SENP7: variants seen among roughly 807,000 people sequenced by gnomAD.
SENP7 encodes SUMO specific peptidase 7.
A neutral mutation model predicts 141.2 loss-of-function variants in SENP7; 64 were observed. The observed-to-expected ratio is 0.45, with a 90% CI of 0.37 to 0.56. The LOEUF is 0.56. SENP7 is among the 20% of genes least tolerant of loss of function. The pLI, the probability that SENP7 is intolerant of heterozygous loss-of-function variation, is 0.00. For missense variants in SENP7, 1,025 were observed against 1,212.2 expected (o/e 0.85, Z 2.29); for synonymous variants, 382 against 426.4 (o/e 0.90, Z 1.28).
At chr3:101,384,377 G>T (rs2060592452) in intron 6 of SENP7, among the ~76,000 whole-genome samples, 1 of 152,236 alleles carries the variant, frequency 6.6e-6, no homozygotes, top group Non-Finnish European at 1.5e-5. Context: ...CAGAAGGAAA[G>T]AAGAGCTGTG....
chr3:101,370,852 A>G (rs1199532634), intron 7 of SENP7, among the ~76,000 whole-genome samples: 1 of 152,206 alleles, frequency 6.6e-6, no homozygotes, highest in Non-Finnish European at 1.5e-5. Context: ...TTATTACTGT[A>G]GTTTCATTTT....
intron 4 of SENP7, among the ~76,000 whole-genome samples, chr3:101,453,082 A>C (rs2063208272): frequency 6.6e-6 from 1 of 152,222 alleles, no homozygotes; most frequent in Non-Finnish European, 1.5e-5. Flanking sequence ...TCTCAAAAGA[A>C]GACATTTATG....
intron 2 of SENP7, among the ~76,000 whole-genome samples, chr3:101,500,461 G>A (rs750568007): frequency 6.6e-6 from 1 of 151,960 alleles, no homozygotes; most frequent in Non-Finnish European, 1.5e-5. Flanking sequence ...GGAGGCTGAG[G>A]CAGGAGGATC....
chr3:101,414,783 G>A (rs537257065), intron 5 of SENP7: 1 of 556,356 alleles, frequency 1.8e-6, no homozygotes, highest in African/African-American at 1.9e-5. Context: ...TCTAGACACT[G>A]GTTCTTTCAT....
intron 4 of SENP7, among the ~76,000 whole-genome samples, chr3:101,441,189 C>T (rs761630586): frequency 1.3e-5 from 2 of 152,172 alleles, no homozygotes; most frequent in African/African-American, 2.4e-5. Flanking sequence ...TGAGGACAAG[C>T]CCATGCCCAT....
intron 12 of SENP7, among the ~76,000 whole-genome samples, chr3:101,350,546 A>G (rs2059586729): frequency 6.6e-6 from 1 of 152,096 alleles, no homozygotes; most frequent in African/African-American, 2.4e-5. Flanking sequence ...ATTTTTCCAC[A>G]ATCTGTAATA....
chr3:101,385,665 C>T (rs186957450), intron 6 of SENP7, among the ~76,000 whole-genome samples: 5 of 152,118 alleles, frequency 3.3e-5, no homozygotes, highest in African/African-American at 1.2e-4. Context: ...TGCTCTCAGT[C>T]GATAGCAAAG....
At chr3:101,427,580 T>C (rs1186308217) in intron 4 of SENP7, among the ~76,000 whole-genome samples, 1 of 151,964 alleles carries the variant, frequency 6.6e-6, no homozygotes, top group Non-Finnish European at 1.5e-5. Flanking sequence ...AAAATTAAAT[T>C]TCTGTGGGAC....
intron 11 of SENP7, among the ~76,000 whole-genome samples, chr3:101,355,608 C>T (rs2059720184): frequency 6.6e-6 from 1 of 152,166 alleles, no homozygotes; most frequent in Non-Finnish European, 1.5e-5. Flanking sequence ...GTTTTGGTTA[C>T]TATAGCTCTA....
intron 10 of SENP7, 43 bp downstream of exon 10, chr3:101,364,791 G>C (rs2059992448): frequency 2.3e-6 from 3 of 1,319,982 alleles, no homozygotes; most frequent in Non-Finnish European, 3.2e-6. Flanking sequence ...AACCAATAGT[G>C]TACATTTCAT....
At position 101,513,096 on chromosome 3, in the gene SENP7, GA is replaced by G. The variant is rs1203473604; in HGVS notation, c.34del (p.Ser12HisfsTer20). On this transcript the variant is annotated frameshift_variant, in exon 1 of 24. Transcript: ENST00000394095. LOFTEE classifies it high-confidence loss of function. ...DKRKLGRRPSSSEIITEGKRK... is the reference protein window; with the variant it reads ...DKRKLGRRPSXSEIITEGKRK... The stretch of plus-strand genomic sequence containing the variant: ...CTTCTCTGACCCTTTCTCACCGGAT[GA>G]AGATGGCCGTCGCCCGAGCTTTCTC... The G allele has an allele frequency of 1.2e-6, 2 of 1,613,718 alleles. No homozygotes were observed. The highest frequency in any genetic ancestry group is 1.7e-5 in the Admixed American group (1 of 59,988).
At chr3:101,502,690 G>A (rs1036760000) in intron 1 of SENP7, among the ~76,000 whole-genome samples, 1 of 152,174 alleles carries the variant, frequency 6.6e-6, no homozygotes, top group Non-Finnish European at 1.5e-5. Flanking sequence ...CAGGGCATGG[G>A]GATCACTTGA....
Position 101,332,796 on chromosome 3 carries a change from A to G in SENP7, c.2547T>C (p.Asp849=), listed in dbSNP as rs200749708. ...ACTCATTTACAGGTACAAAGATGTAATCTTTATTAAAAATGTTTATGTGAC... is the reference window on the plus strand; with the variant it reads ...ACTCATTTACAGGTACAAAGATGTAGTCTTTATTAAAAATGTTTATGTGAC... ...WTRHINIFNK[D]YIFVPVNESS... Residue 849 remains aspartate (D), a synonymous_variant, in exon 18 of 24, where the codon GAT becomes GAC. Coordinates refer to ENST00000394095, the MANE Select transcript of SENP7 (RefSeq NM_020654.5). 1,440 of 1,559,172 alleles carry G rather than the reference A, an allele frequency of 9.2e-4. 4 individuals are homozygous for G. Among genetic ancestry groups the G allele is most frequent in the Middle Eastern group, 4.1e-3 (23 of 5,662 alleles).
intron 5 of SENP7, 105 bp downstream of exon 5, chr3:101,417,488 G>A: frequency 2.2e-6 from 2 of 924,904 alleles, no homozygotes; most frequent in Non-Finnish European, 3.4e-6. Flanking sequence ...GCCTATATAT[G>A]CAAATCTCCT....
At chr3:101,492,123 T>A (rs541605098) in intron 3 of SENP7, among the ~76,000 whole-genome samples, 1 of 150,122 alleles carries the variant, frequency 6.7e-6, no homozygotes, top group Admixed American at 6.6e-5. Context: ...TAGAGCCAAG[T>A]GCGGGGGCTC....
At chr3:101,396,172 A>G (rs1439549823) in intron 6 of SENP7, among the ~76,000 whole-genome samples, 1 of 152,242 alleles carries the variant, frequency 6.6e-6, no homozygotes, top group African/African-American at 2.4e-5. Context: ...GTCCACATCA[A>G]AACCACCTGG....
intron 6 of SENP7, among the ~76,000 whole-genome samples, chr3:101,379,976 A>G (rs1228279301): frequency 2.0e-5 from 3 of 152,234 alleles, no homozygotes; most frequent in Admixed American, 6.5e-5. Context: ...ATAAAATGGA[A>G]TATAGTCAGC....
intron 3 of SENP7, among the ~76,000 whole-genome samples, chr3:101,478,629 T>C (rs1576475238): frequency 6.6e-6 from 1 of 152,280 alleles, no homozygotes; most frequent in South Asian, 2.1e-4. Context: ...CAAAGAAGAA[T>C]ACCAAATCTT....
chr3:101,408,671 A>G (rs2061372167), intron 5 of SENP7, among the ~76,000 whole-genome samples: 1 of 152,218 alleles, frequency 6.6e-6, no homozygotes, highest in Admixed American at 6.5e-5. Flanking sequence ...AACAGAATTA[A>G]AAACAAAAAT....
Sources: allele counts gnomAD v4.1 joint callset (sites outside exome capture counted in the v4.1 genomes callset), GRCh38; gene constraint gnomAD v4.1.1; transcripts MANE v1.5; gene names NCBI Gene and HGNC (gene_info 2026-07-23, HGNC 2026-07-21).